UBE3B: variants seen among roughly 807,000 people sequenced by gnomAD.
The protein encoded by UBE3B is ubiquitin protein ligase E3B, also known as ubiquitin-protein ligase E3B.
UBE3B carries 80 observed loss-of-function variants against 132.3 expected under a neutral mutation model. The observed-to-expected ratio is 0.60, with a 90% confidence interval of 0.50 to 0.73. The LOEUF is 0.73. Ranked by LOEUF, UBE3B falls within the 30% of genes least tolerant of loss-of-function variation. UBE3B has a pLI of 0.00. For synonymous variants in UBE3B, 487 were observed against 520.4 expected, an observed-to-expected ratio of 0.94 and a Z score of 0.87; for missense variants, 1,196 against 1,362.5, an observed-to-expected ratio of 0.88 and a Z score of 1.92.
At chr12:109,496,740 T>C (rs2135892367) in intron 9 of UBE3B, among the ~76,000 whole-genome samples, 1 of 152,362 alleles carries the variant, frequency 6.6e-6, no homozygotes, top group East Asian at 1.9e-4. Flanking sequence ...ATGTTTCATC[T>C]TTTATGAGAG....
In UBE3B at chr12:109,507,701, A is replaced by T; in HGVS notation, c.1588A>T (p.Met530Leu). The change falls in exon 15 of 28, where the codon ATG becomes TTG. Residue 530 changes from methionine (M) to leucine (L), a missense_variant. Met to Leu is a conservative substitution (Grantham distance 15). Transcript: ENST00000342494. Reference sequence around the variant, plus strand: ...GTCCAAGCAACTCTTGGCCATGCTGATGCTGTTCTGTGACTGTTCGCGGCA... The same window carrying T: ...GTCCAAGCAACTCTTGGCCATGCTGTTGCTGTTCTGTGACTGTTCGCGGCA... The part of the protein sequence containing the change: ...EESKQLLAML[M>L]LFCDCSRHLI... The T allele has an allele frequency of 6.2e-7, 1 of 1,614,068 alleles. No individual in the cohort carries two copies. Among genetic ancestry groups the T allele is most frequent in the Non-Finnish European group, 8.5e-7 (1 of 1,180,002 alleles).
the UBE3B span, among the ~76,000 whole-genome samples, chr12:109,545,720 C>T: frequency 2.0e-5 from 3 of 152,170 alleles, no homozygotes; most frequent in Non-Finnish European, 4.4e-5. Flanking sequence ...ATCTGGAGCC[C>T]GCTGCCTCCA....
intron 9 of UBE3B, among the ~76,000 whole-genome samples, chr12:109,495,610 G>A (rs369032099): frequency 9.2e-5 from 14 of 152,132 alleles, no homozygotes; most frequent in African/African-American, 2.7e-4. Context: ...TGAGAGCCTC[G>A]AACAGAGATT....
In UBE3B at chr12:109,521,485, C is replaced by T. The variant is rs778527208; in HGVS notation, c.2298C>T (p.Tyr766=). 5 of 1,601,706 alleles carry T rather than the reference C, an allele frequency of 3.1e-6. No individual in the cohort carries two copies. In the African/African-American group the frequency reaches 4.0e-5, roughly 13 times the overall value. The change falls in exon 21 of 28, where the codon TAC becomes TAT. Residue 766 remains tyrosine (Y), a synonymous_variant. Coordinates refer to ENST00000342494, the MANE Select transcript of UBE3B (RefSeq NM_130466.4). This position sits in a 1 kb window ranked among gnomAD's most constrained non-coding sequence, Gnocchi z 4.2. ...DERLYPSPTS[Y]IHENYLQLFE... is the part of the protein sequence containing the mutation. ...GGCTGTACCCCTCACCCACATCCTA[C>T]ATCCATGAGAATTACCTGCAGCTCT...
At chr12:109,483,381 C>T (rs1875805621) in intron 2 of UBE3B, 150 bp from the exon 3 acceptor site, 3 of 653,398 alleles carry the variant, frequency 4.6e-6, no homozygotes, top group Non-Finnish European at 6.9e-6. Flanking sequence ...GGGACTTGTG[C>T]CGGAGAGCTG....
Position 109,534,713 on chromosome 12 carries a change from CAAG to C in UBE3B, c.3143_3145del (p.Lys1048del). ...ACCTGCTCAAGCTGCCCAACTACAGCAAGAAGAGCGTCCTCCGCGAGAAGCTGC... is the reference window on the plus strand; with the variant it reads ...ACCTGCTCAAGCTGCCCAACTACAGCAAGAGCGTCCTCCGCGAGAAGCTGC... On this transcript the variant is annotated inframe_deletion, in exon 28 of 28. Coordinates refer to ENST00000342494, the MANE Select transcript of UBE3B (RefSeq NM_130466.4). The surrounding 1 kb of genome is among the most constrained non-coding windows in gnomAD (Gnocchi z 5.2). 5 of 1,607,702 alleles carry C rather than the reference CAAG, an allele frequency of 3.1e-6. No individual in the cohort carries two copies. The South Asian group carries it at 5.5e-5, about 18-fold the overall frequency.
chr12:109,480,930 T>G (rs1875277253), intron 1 of UBE3B, among the ~76,000 whole-genome samples: 1 of 152,202 alleles, frequency 6.6e-6, no homozygotes, highest in Non-Finnish European at 1.5e-5. Flanking sequence ...GGGGTCTTAT[T>G]GGTCCACAGG....
rs897241204 is a variant in UBE3B, at chr12:109,508,812, G to T, written c.1623-784G>T. Reference sequence around the variant, plus strand: ...TCTTAAATGGCTCATTTATTCATATGTTCTTTCAAACATTTATTCATTTAC... The same window carrying T: ...TCTTAAATGGCTCATTTATTCATATTTTCTTTCAAACATTTATTCATTTAC... On this transcript the variant is annotated intron_variant, in intron 15 of 27. Transcript: ENST00000342494. The T allele has an allele frequency of 2.4e-5, 22 of 911,182 alleles. No homozygotes were observed. In the East Asian group the frequency reaches 5.9e-4, roughly 24 times the overall value. The allele number at this position is 911,182 out of a possible 1,614,324, so 56.4% of individuals were successfully genotyped here.
rs188162376 is a variant in UBE3B at position 109,533,773 on chromosome 12, C to G, written c.3015+215C>G. 4.7e-4 allele frequency: 398 copies of G among 852,328 alleles called. 2 individuals are homozygous for G. In the East Asian group the frequency reaches 0.01, roughly 22 times the overall value. 52.8% of individuals were successfully genotyped at this position (852,328 alleles called of 1,614,324 possible). ...ACGGACTCAGCCCTCTCTCGGCAGC[C>G]CCTTTCTCTTTCCTTCCTCAGGGAA... On this transcript the variant is annotated intron_variant, in intron 27 of 27. Coordinates refer to ENST00000342494, the MANE Select transcript of UBE3B (RefSeq NM_130466.4).
Position 109,524,465 on chromosome 12 carries a change from G to A in UBE3B, c.2530G>A (p.Gly844Ser), listed in dbSNP as rs992640941. 1 of 1,614,162 alleles carries A rather than the reference G, an allele frequency of 6.2e-7. No individual in the cohort carries two copies. Among genetic ancestry groups the A allele is most frequent in the East Asian group, 2.2e-5 (1 of 44,854 alleles). The change falls in exon 23 of 28, where the codon GGC (glycine) becomes AGC (serine). Residue 844 changes from glycine to serine, a missense_variant. By Grantham distance (56) the Gly-to-Ser change is moderately conservative. Transcript: ENST00000342494. ...KRYDGDITDLGLTLSYDEDVM... is the reference protein window; with the variant it reads ...KRYDGDITDLSLTLSYDEDVM... ...CTATGATGGGGACATCACTGACCTGGGCCTGACGCTGTCTTACGACGAGGA... is the reference window on the plus strand; with the variant it reads ...CTATGATGGGGACATCACTGACCTGAGCCTGACGCTGTCTTACGACGAGGA...
intron 16 of UBE3B, 113 bp from the exon 17 acceptor site, chr12:109,510,231 T>C (rs1253945704): frequency 3.6e-6 from 3 of 835,858 alleles, no homozygotes; most frequent in Non-Finnish European, 5.6e-6. Context: ...CACATATAAT[T>C]CAGAGCGAGG....
chr12:109,520,248 T>C (rs1881541239), intron 19 of UBE3B: 1 of 152,248 alleles, frequency 6.6e-6, no homozygotes, highest in Non-Finnish European at 1.5e-5. Context: ...GCACTGTTTT[T>C]ATAGTCACTG....
At position 109,530,630 on chromosome 12, in the gene UBE3B, C is replaced by T. The variant is rs745713775; in HGVS notation, c.2894C>T (p.Thr965Ile). Residue 965 changes from threonine (T) to isoleucine (I), a missense_variant, in exon 26 of 28, where the codon ACA becomes ATA. Thr to Ile is a moderately conservative substitution (Grantham distance 89). Transcript: ENST00000342494. ...TGGGATATTCTGGCCTCCGACTTCA[C>T]ACCGGATGAGAGAGCTATGTTTCTG... ...WLWDILASDF[T>I]PDERAMFLKF... The T allele has an allele frequency of 5.0e-6, 8 of 1,614,104 alleles. No homozygotes were observed. The South Asian group carries it at 8.8e-5, about 18-fold the overall frequency.
At position 109,497,947 on chromosome 12, in the gene UBE3B, C is replaced by T. The variant is rs111446526; in HGVS notation, c.819+24C>T. 3.5e-3 allele frequency: 5,574 copies of T among 1,608,368 alleles called. 9 individuals are homozygous for T. The highest frequency in any genetic ancestry group is 4.6e-3 in the African/African-American group (345 of 74,906). On this transcript the variant is annotated intron_variant, in intron 10 of 27. Coordinates refer to ENST00000342494, the MANE Select transcript of UBE3B (RefSeq NM_130466.4). ...AGGTAAGCAGGCTCTGTGAGTTCCC[C>T]GTGAAAACCCAATTGTGTTTTTCTT...
the UBE3B span, among the ~76,000 whole-genome samples, chr12:109,543,054 A>T: frequency 1.3e-5 from 2 of 152,190 alleles, no homozygotes; most frequent in African/African-American, 4.8e-5. Context: ...GCTAGATACC[A>T]TGTGGCCAGG....
At chr12:109,490,920 C>A in intron 8 of UBE3B, 125 bp from the exon 9 acceptor site, 2 of 1,163,828 alleles carry the variant, frequency 1.7e-6, no homozygotes, top group Non-Finnish European at 1.2e-6. Flanking sequence ...TAGGTACAAG[C>A]CACCATGCCT....
chr12:109,533,568 C>G lies in UBE3B; in HGVS notation c.3015+10C>G. The G allele has an allele frequency of 1.9e-6, 3 of 1,609,784 alleles. No individual in the cohort carries two copies. In the South Asian group the frequency reaches 3.3e-5, roughly 18 times the overall value. On this transcript the variant is annotated intron_variant, in intron 27 of 27. Coordinates refer to ENST00000342494, the MANE Select transcript of UBE3B (RefSeq NM_130466.4). ...GGTGTCGGACGATCAGGTACCCCCA[C>G]GGGGTGGGTGGGGAAGAGCCTTGAC...
intron 4 of UBE3B, among the ~76,000 whole-genome samples, chr12:109,485,318 C>G (rs918732770): frequency 1.3e-5 from 2 of 152,204 alleles, no homozygotes; most frequent in Non-Finnish European, 2.9e-5. Context: ...TGGGAGGAAA[C>G]AGGACGGGCA....
rs762052515 is a variant in UBE3B at position 109,521,237 on chromosome 12, A to G, written c.2166A>G (p.Glu722=). 6.2e-7 allele frequency: 1 copy of G among 1,614,210 alleles called. No homozygotes were observed. The highest frequency in any genetic ancestry group is 1.7e-5 in the Admixed American group (1 of 60,020). Residue 722 remains glutamate, a synonymous_variant, in exon 20 of 28, where the codon GAA becomes GAG. Coordinates refer to ENST00000342494, the MANE Select transcript of UBE3B (RefSeq NM_130466.4). The surrounding 1 kb of genome is among the most constrained non-coding windows in gnomAD (Gnocchi z 4.2). ...TTGTCAATGACCTCGGGGTGGACGA[A>G]GCAGGGATTGATCAAGACGGTGTTT... ...VKFVNDLGVD[E]AGIDQDGVFK...
Sources: allele counts gnomAD v4.1 joint callset (sites outside exome capture counted in the v4.1 genomes callset), GRCh38; gene constraint gnomAD v4.1.1; non-coding constraint Gnocchi (gnomAD v3.1); transcripts MANE v1.5; gene names NCBI Gene and HGNC (gene_info 2026-07-23, HGNC 2026-07-21).